Variants in LRP1B observed in about 807,000 individuals in gnomAD.
The protein encoded by LRP1B is LDL receptor related protein 1B.
A neutral mutation model predicts 556.6 loss-of-function variants in LRP1B; 217 were observed. The observed-to-expected ratio is 0.39, with a 90% CI of 0.35 to 0.44. The LOEUF (loss-of-function observed/expected upper bound fraction) is 0.44. LRP1B is among the 20% of genes least tolerant of loss of function. The pLI, the probability that LRP1B is intolerant of heterozygous loss-of-function variation, is 1.00. For synonymous variants in LRP1B, 2,047 were observed against 1,865.8 expected, an observed-to-expected ratio of 1.10 and a Z score of -2.50; for missense variants, 5,053 against 5,620.8, an observed-to-expected ratio of 0.90 and a Z score of 3.23.
At chr2:140,408,386 T>C (rs1394233789) in intron 66 of LRP1B, among the ~76,000 whole-genome samples, 1 of 152,018 alleles carries the variant, frequency 6.6e-6, no homozygotes, top group Non-Finnish European at 1.5e-5. Context: ...GCTGATCATG[T>C]ACTAGGCGAT....
intron 35 of LRP1B, among the ~76,000 whole-genome samples, chr2:140,748,861 A>G (rs1013143345): frequency 1.2e-5 from 1 of 83,356 alleles, no homozygotes; most frequent in African/African-American, 4.9e-5. Context: ...ATATATATAC[A>G]CACACACACA....
chr2:142,121,903 A>G (rs1338916658), intron 1 of LRP1B, among the ~76,000 whole-genome samples: 1 of 152,084 alleles, frequency 6.6e-6, no homozygotes, highest in African/African-American at 2.4e-5. Context: ...CAGCAAGAAA[A>G]AAAAAATTTG....
chr2:141,218,423 G>A (rs1682902514), intron 6 of LRP1B, among the ~76,000 whole-genome samples: 1 of 152,218 alleles, frequency 6.6e-6, no homozygotes, highest in Non-Finnish European at 1.5e-5. Flanking sequence ...AGAAAATATG[G>A]TATGTATACC....
chr2:140,386,214 C>T (rs531128120), intron 66 of LRP1B, among the ~76,000 whole-genome samples: 2 of 152,276 alleles, frequency 1.3e-5, no homozygotes, highest in East Asian at 3.9e-4. Context: ...CATGCTTTCA[C>T]CGCGAGCTAA....
At chr2:140,320,944 T>C (rs1680084631) in intron 82 of LRP1B, among the ~76,000 whole-genome samples, 1 of 152,030 alleles carries the variant, frequency 6.6e-6, no homozygotes, top group African/African-American at 2.4e-5. Context: ...TAGTCCCAGC[T>C]ACTTGGGAGG....
At chr2:140,266,470 G>T (rs1682208425) in intron 86 of LRP1B, among the ~76,000 whole-genome samples, 1 of 151,772 alleles carries the variant, frequency 6.6e-6, no homozygotes, top group African/African-American at 2.4e-5. Context: ...TATTTCTGAG[G>T]GTTCCAACCT....
intron 35 of LRP1B, among the ~76,000 whole-genome samples, chr2:140,746,336 T>TA (rs1688315157): frequency 6.6e-6 from 1 of 152,184 alleles, no homozygotes; most frequent in Non-Finnish European, 1.5e-5. Flanking sequence ...AGGAGGAAAC[T>TA]AAAACGAATC....
intron 59 of LRP1B, among the ~76,000 whole-genome samples, chr2:140,481,225 C>T (rs890135077): frequency 1.3e-5 from 2 of 152,144 alleles, no homozygotes; most frequent in African/African-American, 2.4e-5. Context: ...GAAGAAACTA[C>T]AGGATTTGGG....
Position 140,923,126 on chromosome 2 carries a change from C to T in LRP1B, c.3158G>A (p.Cys1053Tyr), listed in dbSNP as rs2105258910. ...TKEEIHSPAG[C>Y]NGNEFQCHPD... Reference sequence around the variant, plus strand: ...GTGGCACTGAAATTCATTTCCGTTACAACCAGCAGGAGAATGAATCTCTTA... The same window carrying T: ...GTGGCACTGAAATTCATTTCCGTTATAACCAGCAGGAGAATGAATCTCTTA... The change falls in exon 21 of 91, where the codon TGT (cysteine) becomes TAT (tyrosine). Residue 1053 changes from cysteine (C) to tyrosine (Y), a missense_variant. Transcript: ENST00000389484. The T allele has an allele frequency of 1.2e-6, 2 of 1,612,014 alleles. No individual in the cohort carries two copies. The highest frequency in any genetic ancestry group is 1.7e-6 in the Non-Finnish European group (2 of 1,178,824).
intron 43 of LRP1B, among the ~76,000 whole-genome samples, chr2:140,596,443 T>C (rs932289417): frequency 2.6e-5 from 4 of 152,218 alleles, no homozygotes; most frequent in Non-Finnish European, 4.4e-5. Flanking sequence ...ATCAAAGTAA[T>C]GTGATGTCTG....
intron 35 of LRP1B, among the ~76,000 whole-genome samples, chr2:140,762,257 AC>A (rs1210351915): frequency 5.9e-5 from 9 of 152,088 alleles, no homozygotes; most frequent in Non-Finnish European, 1.3e-4. Flanking sequence ...AGGGGCAAAA[AC>A]CCAAAAGAAT....
chr2:141,306,780 TG>T (rs1420439821), intron 3 of LRP1B, among the ~76,000 whole-genome samples: 2 of 152,124 alleles, frequency 1.3e-5, no homozygotes, highest in African/African-American at 2.4e-5. Context: ...ACAATACTTT[TG>T]CTATATTCCA....
At chr2:141,722,718 G>A (rs1692869447) in intron 2 of LRP1B, among the ~76,000 whole-genome samples, 1 of 143,016 alleles carries the variant, frequency 7.0e-6, no homozygotes, top group Non-Finnish European at 1.5e-5. Context: ...AGATAGACAG[G>A]CAGATAGATA....
chr2:141,559,120 CT>C (rs1686057569), intron 2 of LRP1B, among the ~76,000 whole-genome samples: 2 of 151,424 alleles, frequency 1.3e-5, no homozygotes. Context: ...AATATTAATA[CT>C]TGAAGTTTGG....
intron 3 of LRP1B, among the ~76,000 whole-genome samples, chr2:141,355,130 A>C (rs1477168554): frequency 2.0e-5 from 3 of 152,086 alleles, no homozygotes; most frequent in Admixed American, 2.0e-4. Flanking sequence ...TGATATATTT[A>C]GACAAAATAT....
In LRP1B at chr2:141,492,079, G is replaced by GAAAAAAAAAAAAAA. The variant is rs1553521014; in HGVS notation, c.206-11547_206-11546insTTTTTTTTTTTTTT. Among the ~76,000 whole-genome samples the GAAAAAAAAAAAAAA allele has an allele frequency of 3.8e-3, 31 of 8,064 alleles. 1 individual carries two copies. The highest frequency in any genetic ancestry group is 7.7e-3 in the African/African-American group (28 of 3,634). 5.3% of individuals were successfully genotyped at this position (8,064 alleles called of 152,430 possible). A position where few individuals can be genotyped will look rare whatever the true frequency, so the allele number is the denominator to read the frequency against. Reference sequence around the variant, plus strand: ...CTTGAAAGTCACTATTTAGCTTTCTGAAAAAAAAAAAACACTAAGAAAACC... The same window carrying GAAAAAAAAAAAAAA: ...CTTGAAAGTCACTATTTAGCTTTCTGAAAAAAAAAAAAAAAAAAAAAAAAAACACTAAGAAAACC... On this transcript the variant is annotated intron_variant, in intron 2 of 90. Coordinates refer to ENST00000389484, the MANE Select transcript of LRP1B (RefSeq NM_018557.3).
At chr2:140,584,387 C>CATATAT (rs35137673) in intron 43 of LRP1B, among the ~76,000 whole-genome samples, 77 of 149,974 alleles carry the variant, frequency 5.1e-4, no homozygotes, top group Middle Eastern at 6.9e-3. Context: ...GAAATGTGCT[C>CATATAT]ATATATATAT....
At chr2:141,422,037 A>G (rs1318840984) in intron 3 of LRP1B, among the ~76,000 whole-genome samples, 1 of 152,192 alleles carries the variant, frequency 6.6e-6, no homozygotes, top group African/African-American at 2.4e-5. Flanking sequence ...AAGGCCTGAC[A>G]CATAGATGGT....
At chr2:140,740,710 C>A (rs1688107361) in intron 35 of LRP1B, among the ~76,000 whole-genome samples, 1 of 152,130 alleles carries the variant, frequency 6.6e-6, no homozygotes, top group African/African-American at 2.4e-5. Context: ...AGTTTGAGAT[C>A]AAGGTGTTGG....
Sources: allele counts gnomAD v4.1 joint callset (sites outside exome capture counted in the v4.1 genomes callset), GRCh38; gene constraint gnomAD v4.1.1; transcripts MANE v1.5; gene names NCBI Gene and HGNC (gene_info 2026-07-23, HGNC 2026-07-21).